GRIA1: variants seen among roughly 807,000 people sequenced by gnomAD.
GRIA1 encodes the protein glutamate ionotropic receptor AMPA type subunit 1, also known as glutamate receptor 1.
GRIA1 carries 31 observed loss-of-function variants against 99.2 expected under a neutral mutation model. The observed-to-expected ratio is 0.31, with a 90% CI of 0.23 to 0.42. The LOEUF is 0.42. Among genes scored for constraint, GRIA1 ranks in the 10% least tolerant of loss-of-function variants. The pLI is 1.00. For missense variants in GRIA1, 782 were observed against 1,157.5 expected (o/e 0.68, Z 4.71); for synonymous variants, 438 against 432.4 (o/e 1.01, Z -0.16).
chr5:153,712,339 T>C (rs1208591284), intron 11 of GRIA1, among the ~76,000 whole-genome samples: 2 of 152,232 alleles, frequency 1.3e-5, no homozygotes, highest in Non-Finnish European at 2.9e-5. Context: ...CATGAGCCAC[T>C]GTGCCCAGCC....
chr5:153,559,624 C>T (rs1760947467), intron 2 of GRIA1, among the ~76,000 whole-genome samples: 1 of 152,128 alleles, frequency 6.6e-6, no homozygotes, highest in South Asian at 2.1e-4. Context: ...CAACTGGCAG[C>T]ACAGTAGGTT....
chr5:153,791,287 A>T (rs1200375786), intron 13 of GRIA1, among the ~76,000 whole-genome samples: 1 of 151,526 alleles, frequency 6.6e-6, no homozygotes. Context: ...AAAAAAAAAA[A>T]TTAATAGAAA....
intron 10 of GRIA1, among the ~76,000 whole-genome samples, chr5:153,700,685 T>C (rs999125156): frequency 6.6e-6 from 1 of 152,118 alleles, no homozygotes; most frequent in Non-Finnish European, 1.5e-5. Flanking sequence ...CACCACGGCT[T>C]CACTCATAGA....
chr5:153,737,946 C>T (rs910230278), intron 11 of GRIA1, among the ~76,000 whole-genome samples: 2 of 152,114 alleles, frequency 1.3e-5, no homozygotes, highest in Non-Finnish European at 2.9e-5. Flanking sequence ...GGAAGATTTC[C>T]GTTGCTAATT....
intron 5 of GRIA1, among the ~76,000 whole-genome samples, chr5:153,663,619 G>T (rs911149512): frequency 6.6e-6 from 1 of 152,138 alleles, no homozygotes; most frequent in African/African-American, 2.4e-5. Flanking sequence ...GAAGCCCAGG[G>T]TCTCATCCTA....
chr5:153,628,457 T>C (rs777811065), intron 2 of GRIA1, among the ~76,000 whole-genome samples: 4 of 152,216 alleles, frequency 2.6e-5, no homozygotes, highest in Non-Finnish European at 2.9e-5. Flanking sequence ...GGCATTGTGA[T>C]TGGGAACAAT....
chr5:153,708,714 T>C (rs946577833), intron 11 of GRIA1, among the ~76,000 whole-genome samples: 7 of 152,202 alleles, frequency 4.6e-5, no homozygotes, highest in African/African-American at 1.7e-4. Context: ...TCACACTGAT[T>C]TGAAAGCCTA....
intron 11 of GRIA1, among the ~76,000 whole-genome samples, chr5:153,745,244 T>C (rs1762066819): frequency 6.6e-6 from 1 of 152,128 alleles, no homozygotes; most frequent in East Asian, 1.9e-4. Flanking sequence ...TGTTCGTCCC[T>C]TCCTTCTCTC....
intron 14 of GRIA1, among the ~76,000 whole-genome samples, chr5:153,801,959 G>T (rs947986236): frequency 6.9e-6 from 1 of 143,966 alleles, no homozygotes; most frequent in African/African-American, 2.5e-5. Flanking sequence ...GGGCGGGGGG[G>T]GGCGGGGGGC....
intron 2 of GRIA1, among the ~76,000 whole-genome samples, chr5:153,603,372 A>G (rs61307573): frequency 0.028 from 4,015 of 142,578 alleles, 163 homozygotes; most frequent in African/African-American, 0.094. Flanking sequence ...GAATAGTGCC[A>G]CAATAAACAT....
chr5:153,710,146 T>C (rs1759204871), intron 11 of GRIA1, among the ~76,000 whole-genome samples: 1 of 151,772 alleles, frequency 6.6e-6, no homozygotes, highest in South Asian at 2.1e-4. Context: ...GATCACAGAT[T>C]ACAATTTATT....
At chr5:153,612,469 T>G (rs981426399) in intron 2 of GRIA1, among the ~76,000 whole-genome samples, 6 of 152,238 alleles carry the variant, frequency 3.9e-5, no homozygotes, top group Non-Finnish European at 8.8e-5. Flanking sequence ...TGTTTCCTCA[T>G]GTATACAAGG....
intron 5 of GRIA1, among the ~76,000 whole-genome samples, chr5:153,663,050 G>T (rs1755486479): frequency 6.6e-6 from 1 of 152,144 alleles, no homozygotes; most frequent in Non-Finnish European, 1.5e-5. Flanking sequence ...AGGAGAGTGG[G>T]TGGATAGAAA....
chr5:153,571,950 C>T (rs1242117143), intron 2 of GRIA1, among the ~76,000 whole-genome samples: 2 of 152,120 alleles, frequency 1.3e-5, no homozygotes, highest in Non-Finnish European at 2.9e-5. Flanking sequence ...TAAGAAGTTG[C>T]CATGCCATTT....
intron 13 of GRIA1, among the ~76,000 whole-genome samples, chr5:153,773,528 C>T (rs1411663883): frequency 6.6e-6 from 1 of 152,186 alleles, no homozygotes; most frequent in African/African-American, 2.4e-5. Flanking sequence ...AGCACCATTC[C>T]TTTGAGGAGT....
chr5:153,734,317 C>G (rs542437815), intron 11 of GRIA1, among the ~76,000 whole-genome samples: 57 of 151,966 alleles, frequency 3.8e-4, no homozygotes, highest in Non-Finnish European at 7.7e-4. Flanking sequence ...TTAAGGACCC[C>G]CCTAAGAGCA....
Position 153,754,617 on chromosome 5 carries a change from A to T in GRIA1, c.1824-9817A>T, listed in dbSNP as rs184512478. Among the ~76,000 whole-genome samples the T allele has an allele frequency of 2.6e-5, 4 of 152,328 alleles. No homozygotes were observed. In the East Asian group the frequency reaches 7.7e-4, roughly 29 times the overall value. On this transcript the variant is annotated intron_variant, in intron 11 of 15. Coordinates refer to ENST00000285900, the MANE Select transcript of GRIA1 (RefSeq NM_000827.4). ...GGGTTCTTCAATTTAGGGATGTTAG[A>T]AAAGGAGGCAGCCATCCTGAATACT... is the stretch of plus-strand genomic sequence containing the variant.
chr5:153,629,153 T>C (rs1217464245), intron 2 of GRIA1, among the ~76,000 whole-genome samples: 1 of 152,208 alleles, frequency 6.6e-6, no homozygotes, highest in African/African-American at 2.4e-5. Flanking sequence ...CCCTTTCTGC[T>C]TTTCTTCCGC....
chr5:153,682,396 C>G (rs1450209784), intron 7 of GRIA1, among the ~76,000 whole-genome samples: 2 of 152,190 alleles, frequency 1.3e-5, no homozygotes, highest in Non-Finnish European at 1.5e-5. Context: ...CTTTGCTTGA[C>G]CAAACTTTAG....
Sources: allele counts gnomAD v4.1 joint callset (sites outside exome capture counted in the v4.1 genomes callset), GRCh38; gene constraint gnomAD v4.1.1; transcripts MANE v1.5; gene names NCBI Gene and HGNC (gene_info 2026-07-23, HGNC 2026-07-21).